The following TMTC2 variants were observed in gnomAD, a reference collection of about 807,000 sequenced individuals.
TMTC2 encodes the protein protein O-mannosyl-transferase TMTC2.
Under a neutral mutation model 82.4 loss-of-function variants are expected in TMTC2, and 43 were observed. That is an observed-to-expected ratio of 0.52 (90% confidence interval 0.41 to 0.67). The LOEUF (loss-of-function observed/expected upper bound fraction) is 0.67, where lower values mean the gene tolerates loss of function less well. Among genes scored for constraint, TMTC2 ranks in the 30% least tolerant of loss-of-function variants. The probability of loss-of-function intolerance (pLI) is 0.00; values close to 1 mark genes in which losing one functional copy is unlikely to be tolerated. For missense variants in TMTC2, 919 were observed against 1,012.4 expected, an observed-to-expected ratio of 0.91 and a Z score of 1.25; for synonymous variants, 408 against 381.9, an observed-to-expected ratio of 1.07 and a Z score of -0.80.
intron 7 of TMTC2, among the ~76,000 whole-genome samples, chr12:82,980,762 T>C (rs904806067): frequency 6.6e-6 from 1 of 151,896 alleles, no homozygotes; most frequent in African/African-American, 2.4e-5. Context: ...CGCATGTCAG[T>C]CACGTACGCA....
intron 3 of TMTC2, among the ~76,000 whole-genome samples, chr12:82,917,696 G>A (rs1224744313): frequency 6.6e-6 from 1 of 151,622 alleles, no homozygotes; most frequent in Admixed American, 6.6e-5. Flanking sequence ...CCGCCTCCAG[G>A]GTTCATGCCA....
chr12:82,698,267 T>G (rs1440144313), intron 1 of TMTC2, among the ~76,000 whole-genome samples: 2 of 152,228 alleles, frequency 1.3e-5, no homozygotes, highest in African/African-American at 4.8e-5. Flanking sequence ...GAACGAATGC[T>G]GGACCAAGAT....
At chr12:82,717,393 T>A (rs1386998986) in intron 1 of TMTC2, among the ~76,000 whole-genome samples, 2 of 151,914 alleles carry the variant, frequency 1.3e-5, no homozygotes, top group African/African-American at 4.8e-5. Flanking sequence ...CCCGGCTAAG[T>A]TTTTATTTTA....
At chr12:82,834,950 C>T (rs1869952121) in intron 1 of TMTC2, among the ~76,000 whole-genome samples, 2 of 151,652 alleles carry the variant, frequency 1.3e-5, no homozygotes, top group African/African-American at 4.9e-5. Context: ...CTATCTCGGC[C>T]CACTGCAACC....
chr12:83,026,549 G>A (rs910471487), intron 8 of TMTC2, among the ~76,000 whole-genome samples: 5 of 152,048 alleles, frequency 3.3e-5, no homozygotes, highest in Non-Finnish European at 7.4e-5. Flanking sequence ...GGTAGTTGAT[G>A]TAATAAATAA....
At chr12:82,769,736 G>A (rs1307498153) in intron 1 of TMTC2, among the ~76,000 whole-genome samples, 1 of 152,052 alleles carries the variant, frequency 6.6e-6, no homozygotes, top group Non-Finnish European at 1.5e-5. Flanking sequence ...TCAGCCTCCT[G>A]TGTAGCTGGG....
At chr12:82,815,295 T>TA (rs957332432) in intron 1 of TMTC2, among the ~76,000 whole-genome samples, 15 of 150,550 alleles carry the variant, frequency 1.0e-4, no homozygotes, top group African/African-American at 3.4e-4. Context: ...TTATTTTTTT[T>TA]AATTAATTAA....
intron 1 of TMTC2, among the ~76,000 whole-genome samples, chr12:82,729,841 T>C (rs1302554415): frequency 1.3e-5 from 2 of 152,182 alleles, no homozygotes; most frequent in African/African-American, 2.4e-5. Flanking sequence ...CACACTGCCT[T>C]TATGAGCTGT....
intron 1 of TMTC2, among the ~76,000 whole-genome samples, chr12:82,821,932 TC>T (rs893113443): frequency 1.0e-4 from 15 of 150,634 alleles, no homozygotes; most frequent in African/African-American, 3.7e-4. Context: ...CTGCCTTGTA[TC>T]TCTTGCAAGC....
At chr12:82,984,318 A>AT (rs1879061301) in intron 7 of TMTC2, among the ~76,000 whole-genome samples, 1 of 152,100 alleles carries the variant, frequency 6.6e-6, no homozygotes, top group Non-Finnish European at 1.5e-5. Flanking sequence ...GTGGGTAAAA[A>AT]TGTGTATTTT....
chr12:83,122,960 A>G (rs1885000967), intron 11 of TMTC2, among the ~76,000 whole-genome samples: 1 of 152,234 alleles, frequency 6.6e-6, no homozygotes, highest in Non-Finnish European at 1.5e-5. Flanking sequence ...TTACTGAAGA[A>G]TAATTTCCGG....
intron 8 of TMTC2, among the ~76,000 whole-genome samples, chr12:83,029,323 C>CT (rs200293010): frequency 2.6e-3 from 390 of 151,812 alleles, no homozygotes; most frequent in Non-Finnish European, 2.0e-3. Flanking sequence ...ATGCATGAAC[C>CT]TTTTTAAAAA....
intron 2 of TMTC2, among the ~76,000 whole-genome samples, chr12:82,858,265 AC>A (rs1871358983): frequency 6.6e-6 from 1 of 152,234 alleles, no homozygotes; most frequent in African/African-American, 2.4e-5. Flanking sequence ...ATCCCCATAC[AC>A]TTGAAGAGAC....
At chr12:82,812,324 G>T (rs909397098) in intron 1 of TMTC2, among the ~76,000 whole-genome samples, 1 of 152,000 alleles carries the variant, frequency 6.6e-6, no homozygotes, top group African/African-American at 2.4e-5. Context: ...ATTGATTCAT[G>T]AAACCTTAAG....
chr12:82,939,411 GTC>G (rs954797446), intron 4 of TMTC2, among the ~76,000 whole-genome samples: 19 of 151,994 alleles, frequency 1.3e-4, no homozygotes, highest in Admixed American at 9.2e-4. Flanking sequence ...TGTATTTTGT[GTC>G]TCTCTGAAAA....
rs1157300333 is a variant in TMTC2, at chr12:83,133,002, G to T, written c.*613G>T. 6.6e-6 allele frequency: 1 copy of T among 152,192 alleles called. No individual in the cohort carries two copies. Among genetic ancestry groups the T allele is most frequent in the Admixed American group, 6.5e-5 (1 of 15,280 alleles). 9.4% of individuals were successfully genotyped at this position (152,192 alleles called of 1,614,324 possible). ...ATGTTTTATGATTTGGATGTCAGAG[G>T]CTTCATTCTTTTGGACATCATTTGC... On this transcript the variant is annotated 3_prime_UTR_variant, in exon 12 of 12. Transcript: ENST00000321196.
intron 2 of TMTC2, among the ~76,000 whole-genome samples, chr12:82,883,373 T>C (rs914450740): frequency 6.6e-6 from 1 of 152,224 alleles, no homozygotes; most frequent in African/African-American, 2.4e-5. Flanking sequence ...CATGTATGTT[T>C]ATTAAGTTCT....
Position 82,697,439 on chromosome 12 carries a change from A to G in TMTC2, c.83+9770A>G, listed in dbSNP as rs373176117. The stretch of plus-strand genomic sequence containing the variant: ...AGATTCACTGACCACACTTAGGGTA[A>G]TAAGGCTGTAGTTCATTTAAATGTA... On this transcript the variant is annotated intron_variant, in intron 1 of 11. Transcript: ENST00000321196. 2.0e-5 allele frequency among the ~76,000 whole-genome samples: 3 copies of G among 152,312 alleles called. No individual in the cohort carries two copies. The East Asian group carries it at 5.8e-4, about 29-fold the overall frequency.
intron 1 of TMTC2, among the ~76,000 whole-genome samples, chr12:82,711,045 TC>T (rs1873595313): frequency 6.6e-6 from 1 of 152,228 alleles, no homozygotes; most frequent in African/African-American, 2.4e-5. Flanking sequence ...TTGAATTCTT[TC>T]CATACAACCC....
Sources: gnomAD v4.1 joint callset for allele counts (sites outside exome capture counted in the v4.1 genomes callset) on GRCh38, gnomAD v4.1.1 for gene constraint, MANE v1.5 for transcripts, NCBI Gene and HGNC (gene_info 2026-07-23, HGNC 2026-07-21) for gene names.